COLQ: variants seen among roughly 807,000 people sequenced by gnomAD.
The protein encoded by COLQ is acetylcholinesterase collagenic tail peptide.
COLQ carries 48 observed loss-of-function variants against 69.0 expected under a neutral mutation model. The ratio of observed to expected loss-of-function variants is 0.70; its 90% CI spans 0.55 to 0.88. COLQ has a LOEUF of 0.88. COLQ is among the 40% of genes least tolerant of loss of function. COLQ has a pLI of 0.00. For missense variants in COLQ, 618 were observed against 594.6 expected, an observed-to-expected ratio of 1.04 and a Z score of -0.41; for synonymous variants, 217 against 211.2, an observed-to-expected ratio of 1.03 and a Z score of -0.24.
intron 11 of COLQ, 31 bp from the exon 12 acceptor site, chr3:15,466,468 A>G: frequency 6.4e-7 from 1 of 1,570,828 alleles, no homozygotes; most frequent in Non-Finnish European, 8.8e-7. Flanking sequence ...GCCTGTTATG[A>G]AAGCATGACA....
intron 1 of COLQ, among the ~76,000 whole-genome samples, chr3:15,491,084 C>A (rs1451939817): frequency 6.6e-6 from 1 of 151,584 alleles, no homozygotes; most frequent in East Asian, 1.9e-4. Flanking sequence ...GGGGTTATTG[C>A]AAATTTTTCA....
chr3:15,455,843 A>T lies in COLQ; in HGVS notation c.1195+56T>A, dbSNP rs2062015890. 22 of 1,611,652 alleles carry T rather than the reference A, an allele frequency of 1.4e-5. No individual in the cohort carries two copies. The South Asian group carries it at 2.4e-4, about 18-fold the overall frequency. On this transcript the variant is annotated intron_variant, in intron 15 of 16. Coordinates refer to ENST00000383788, the MANE Select transcript of COLQ (RefSeq NM_005677.4). Reference sequence around the variant, plus strand: ...CAGCTGGTGTCCAGGGCTGGCCCTGAGTCCCACCCCCCTGCTGTTCAGGCC... The same window carrying T: ...CAGCTGGTGTCCAGGGCTGGCCCTGTGTCCCACCCCCCTGCTGTTCAGGCC...
intron 12 of COLQ, among the ~76,000 whole-genome samples, chr3:15,464,028 C>T (rs1386893008): frequency 6.6e-6 from 1 of 152,214 alleles, no homozygotes; most frequent in Non-Finnish European, 1.5e-5. Context: ...TGCTTTCTTG[C>T]CCTTGCTAAA....
At chr3:15,490,327 TAA>T (rs776415760) in intron 1 of COLQ, among the ~76,000 whole-genome samples, 1 of 152,208 alleles carries the variant, frequency 6.6e-6, no homozygotes, top group Non-Finnish European at 1.5e-5. Flanking sequence ...CACAGATCAA[TAA>T]GTTACAGTTC....
intron 16 of COLQ, among the ~76,000 whole-genome samples, chr3:15,452,166 A>G (rs1486861881): frequency 1.3e-5 from 2 of 151,364 alleles, no homozygotes. Context: ...TCCCAGGTTC[A>G]AGCGATTGTC....
chr3:15,492,494 G>A (rs1395822759), intron 1 of COLQ, among the ~76,000 whole-genome samples: 3 of 152,038 alleles, frequency 2.0e-5, no homozygotes, highest in Non-Finnish European at 1.5e-5. Context: ...GTGAAACCCC[G>A]TCTCTACTAA....
rs763262836 is a variant in COLQ at position 15,458,320 on chromosome 3, G to A, written c.820C>T (p.Leu274Phe). ...GPPGPPPAGQLIMGPKGERGF... is the reference protein window; with the variant it reads ...GPPGPPPAGQFIMGPKGERGF... The stretch of plus-strand genomic sequence containing the variant: ...CTTTCCCCTTTGGGTCCCATTATAA[G>A]TTGTCCTAGGAAGCAACAGACTGCT... Residue 274 changes from leucine to phenylalanine, a missense_variant, in exon 13 of 17, where the codon CTT becomes TTT. Coordinates refer to ENST00000383788, the MANE Select transcript of COLQ (RefSeq NM_005677.4). 8.1e-6 allele frequency: 13 copies of A among 1,614,092 alleles called. No individual in the cohort carries two copies. The highest frequency in any genetic ancestry group is 3.3e-4 in the Middle Eastern group (2 of 6,060).
chr3:15,498,745 AG>A lies in COLQ; in HGVS notation c.107-9109del, dbSNP rs2062788440. The A allele has an allele frequency of 9.1e-6, 14 of 1,531,282 alleles. 2 individuals are homozygous for A. The highest frequency in any genetic ancestry group is 2.3e-4 in the Middle Eastern group (1 of 4,366). 94.9% of individuals were successfully genotyped at this position (1,531,282 alleles called of 1,614,324 possible). A position where few individuals can be genotyped will look rare whatever the true frequency, so the allele number is the denominator to read the frequency against. On this transcript the variant is annotated intron_variant, in intron 1 of 16. Coordinates refer to ENST00000383788, the MANE Select transcript of COLQ (RefSeq NM_005677.4). ...TGATGTTGCTTCTGCTCCAGATGCC[AG>A]GGGTCTGGAGCCAGTCCTGAGCTCC...
At chr3:15,515,884 C>A (rs1004282366) in intron 1 of COLQ, among the ~76,000 whole-genome samples, 2 of 152,166 alleles carry the variant, frequency 1.3e-5, no homozygotes, top group East Asian at 1.9e-4. Flanking sequence ...GAAGCCAGAG[C>A]GGCTCTCTGT....
chr3:15,518,096 C>G (rs2063086823), intron 1 of COLQ, among the ~76,000 whole-genome samples: 3 of 152,122 alleles, frequency 2.0e-5, no homozygotes, highest in African/African-American at 7.2e-5. Context: ...CAGGCATGCA[C>G]CACCACATCC....
chr3:15,507,501 C>G (rs1169523634), intron 1 of COLQ, among the ~76,000 whole-genome samples: 1 of 152,192 alleles, frequency 6.6e-6, no homozygotes, highest in African/African-American at 2.4e-5. Flanking sequence ...GTTGCCCAGG[C>G]TGGAGTACAG....
chr3:15,500,799 T>G (rs2062819892), intron 1 of COLQ, among the ~76,000 whole-genome samples: 1 of 152,224 alleles, frequency 6.6e-6, no homozygotes, highest in Non-Finnish European at 1.5e-5. Flanking sequence ...TCTGGATGTA[T>G]GCTCAACTAC....
At chr3:15,489,844 A>G (rs990132160) in intron 1 of COLQ, among the ~76,000 whole-genome samples, 1 of 152,214 alleles carries the variant, frequency 6.6e-6, no homozygotes, top group African/African-American at 2.4e-5. Flanking sequence ...TGGTTCATAA[A>G]GAAGCAGATG....
intron 1 of COLQ, among the ~76,000 whole-genome samples, chr3:15,515,180 G>C (rs1476725058): frequency 6.6e-6 from 1 of 152,164 alleles, no homozygotes; most frequent in African/African-American, 2.4e-5. Context: ...TTGTCTGCTT[G>C]CTCACTGCTG....
At chr3:15,480,527 C>T (rs2062462320) in intron 3 of COLQ, among the ~76,000 whole-genome samples, 1 of 152,168 alleles carries the variant, frequency 6.6e-6, no homozygotes, top group Non-Finnish European at 1.5e-5. Context: ...TTTTTTATGG[C>T]TGCATAGTAT....
At chr3:15,503,287 C>A (rs2062857812) in intron 1 of COLQ, among the ~76,000 whole-genome samples, 1 of 152,216 alleles carries the variant, frequency 6.6e-6, no homozygotes, top group Non-Finnish European at 1.5e-5. Flanking sequence ...AATGTGTGCT[C>A]CCTCTTCCAT....
intron 7 of COLQ, 138 bp from the exon 8 acceptor site, chr3:15,475,089 C>T: frequency 2.1e-6 from 2 of 935,754 alleles, no homozygotes; most frequent in Non-Finnish European, 3.5e-6. Context: ...GGTTGCAGCA[C>T]CAAACACAAA....
intron 1 of COLQ, among the ~76,000 whole-genome samples, chr3:15,505,469 G>C (rs1327326225): frequency 6.6e-6 from 1 of 152,182 alleles, no homozygotes; most frequent in Non-Finnish European, 1.5e-5. Flanking sequence ...AATTATTTTG[G>C]ACCTTATCTA....
Position 15,489,573 on chromosome 3 carries a change from A to G in COLQ, c.171T>C (p.Pro57=). ...ATGGTGGTGGGAACAGTGGTGGTGG[A>G]GGAGGCGTCAGCAGGCAGCATGCTT... ...GHKACCLLTP[P]PPPLFPPPFF... Residue 57 remains proline, a synonymous_variant, in exon 2 of 17, where the codon CCT becomes CCC. Transcript: ENST00000383788. The G allele has an allele frequency of 6.2e-7, 1 of 1,614,150 alleles. No individual in the cohort carries two copies. Among genetic ancestry groups the G allele is most frequent in the Non-Finnish European group, 8.5e-7 (1 of 1,180,000 alleles).
Sources: allele counts gnomAD v4.1 joint callset (sites outside exome capture counted in the v4.1 genomes callset), GRCh38; gene constraint gnomAD v4.1.1; transcripts MANE v1.5; gene names NCBI Gene and HGNC (gene_info 2026-07-23, HGNC 2026-07-21).